MACROD2: variants seen among roughly 807,000 people sequenced by gnomAD.
The protein encoded by MACROD2 is ADP-ribose glycohydrolase MACROD2.
In MACROD2, 36 loss-of-function variants were observed where a neutral mutation model predicts 70.4. The ratio of observed to expected loss-of-function variants is 0.51; its 90% confidence interval spans 0.39 to 0.68. The LOEUF is 0.68. Ranked by LOEUF, MACROD2 falls within the 30% of genes least tolerant of loss-of-function variation. MACROD2 has a pLI of 0.00. For synonymous variants in MACROD2, 172 were observed against 178.8 expected, an observed-to-expected ratio of 0.96 and a Z score of 0.30; for missense variants, 496 against 538.4, an observed-to-expected ratio of 0.92 and a Z score of 0.78.
At chr20:14,974,965 T>C (rs1211554166) in intron 5 of MACROD2, among the ~76,000 whole-genome samples, 3 of 152,150 alleles carry the variant, frequency 2.0e-5, no homozygotes, top group Admixed American at 6.5e-5. Flanking sequence ...TTTATTTAGA[T>C]CAGAGTTACT....
chr20:15,015,117 C>A (rs1187466427), intron 5 of MACROD2, among the ~76,000 whole-genome samples: 2 of 152,012 alleles, frequency 1.3e-5, no homozygotes, highest in East Asian at 3.8e-4. Context: ...ATACTATATA[C>A]TTATAACACT....
intron 5 of MACROD2, among the ~76,000 whole-genome samples, chr20:14,951,764 C>T (rs552645168): frequency 1.3e-5 from 2 of 152,234 alleles, no homozygotes; most frequent in South Asian, 4.2e-4. Context: ...ACCCCTTTGG[C>T]TTTCCTGAAA....
At chr20:16,043,229 C>T (rs929394649) in intron 16 of MACROD2, among the ~76,000 whole-genome samples, 2 of 151,960 alleles carry the variant, frequency 1.3e-5, no homozygotes, top group Admixed American at 1.3e-4. Flanking sequence ...AGTGGGGCAC[C>T]TTAAGTGATT....
intron 5 of MACROD2, among the ~76,000 whole-genome samples, chr20:15,144,517 C>A (rs1843661806): frequency 6.6e-6 from 1 of 152,096 alleles, no homozygotes; most frequent in African/African-American, 2.4e-5. Context: ...ACACAATGAC[C>A]TTTTTGTTGA....
intron 4 of MACROD2, among the ~76,000 whole-genome samples, chr20:14,611,350 C>A (rs1983144642): frequency 6.6e-6 from 1 of 151,390 alleles, no homozygotes; most frequent in Non-Finnish European, 1.5e-5. Flanking sequence ...ATGATTATTT[C>A]TTACACAAGC....
chr20:15,694,358 C>T (rs765139449), intron 8 of MACROD2, among the ~76,000 whole-genome samples: 31 of 144,556 alleles, frequency 2.1e-4, no homozygotes, highest in South Asian at 6.8e-4. Context: ...CCCTGTTCAC[C>T]GCATCTACAC....
intron 3 of MACROD2, among the ~76,000 whole-genome samples, chr20:14,368,397 G>A (rs1211710192): frequency 6.6e-6 from 1 of 152,040 alleles, no homozygotes; most frequent in Non-Finnish European, 1.5e-5. Context: ...CCAAAAATTA[G>A]CTGAGTGCGG....
At chr20:15,231,629 A>G (rs1044648020) in intron 6 of MACROD2, among the ~76,000 whole-genome samples, 12 of 152,044 alleles carry the variant, frequency 7.9e-5, no homozygotes. Flanking sequence ...ATAACATTCA[A>G]CCTTTTAATA....
intron 4 of MACROD2, among the ~76,000 whole-genome samples, chr20:14,656,474 T>G (rs1170191006): frequency 6.6e-6 from 1 of 152,240 alleles, no homozygotes; most frequent in East Asian, 1.9e-4. Flanking sequence ...CTGGCAACAA[T>G]GGATGTATCC....
At position 14,987,450 on chromosome 20, in the gene MACROD2, A is replaced by G. The variant is rs886826162; in HGVS notation, c.419-242490A>G. On this transcript the variant is annotated intron_variant, in intron 5 of 17. Transcript: ENST00000684519. Reference sequence around the variant, plus strand: ...TACCTTTTTTCACTCGACTTGGCTCAGAATTCTACCAGACTGTTCAGAAAA... The same window carrying G: ...TACCTTTTTTCACTCGACTTGGCTCGGAATTCTACCAGACTGTTCAGAAAA... Among the ~76,000 whole-genome samples the G allele has an allele frequency of 2.6e-5, 4 of 152,186 alleles. No homozygotes were observed. The South Asian group carries it at 8.3e-4, about 32-fold the overall frequency.
intron 7 of MACROD2, among the ~76,000 whole-genome samples, chr20:15,499,379 A>G (rs2047337042): frequency 6.6e-6 from 1 of 152,154 alleles, no homozygotes; most frequent in Non-Finnish European, 1.5e-5. Context: ...GACTAACTGC[A>G]TGTTTTCTCT....
chr20:14,601,513 G>T (rs572558096), intron 4 of MACROD2, among the ~76,000 whole-genome samples: 2 of 151,866 alleles, frequency 1.3e-5, no homozygotes, highest in East Asian at 1.9e-4. Flanking sequence ...CCCAAAAAAT[G>T]TTTTAGTCCA....
rs551165478 is a variant in MACROD2 at position 15,874,062 on chromosome 20, C to G, written c.727+11236C>G. The stretch of plus-strand genomic sequence containing the variant: ...TATTTCTCCTAACGCTATCCCTCCC[C>G]CAGCCCCCCCACCCCCCAACAGGCC... On this transcript the variant is annotated intron_variant, in intron 9 of 17. Transcript: ENST00000684519. Among the ~76,000 whole-genome samples the G allele has an allele frequency of 1.5e-4, 19 of 129,776 alleles. No individual in the cohort carries two copies. In the South Asian group the frequency reaches 6.0e-3, roughly 41 times the overall value. The allele number at this position is 129,776 out of a possible 152,430, so 85.1% of individuals were successfully genotyped here.
At chr20:15,455,031 TCA>T (rs542987659) in intron 7 of MACROD2, among the ~76,000 whole-genome samples, 171 of 152,212 alleles carry the variant, frequency 1.1e-3, no homozygotes, top group African/African-American at 3.8e-3. Flanking sequence ...TGGCTTATGG[TCA>T]CACAGAGACC....
intron 5 of MACROD2, among the ~76,000 whole-genome samples, chr20:14,707,171 C>T (rs796213994): frequency 6.6e-6 from 1 of 152,060 alleles, no homozygotes; most frequent in South Asian, 2.1e-4. Context: ...TCCTAAAAGG[C>T]TGGGATGATG....
chr20:15,702,356 A>G (rs2050472382), intron 8 of MACROD2, among the ~76,000 whole-genome samples: 1 of 152,172 alleles, frequency 6.6e-6, no homozygotes, highest in South Asian at 2.1e-4. Flanking sequence ...GTTAATGGTC[A>G]TTCTGACTTG....
At chr20:14,260,865 G>T (rs779967125) in intron 3 of MACROD2, among the ~76,000 whole-genome samples, 11 of 152,188 alleles carry the variant, frequency 7.2e-5, no homozygotes, top group Non-Finnish European at 1.3e-4. Flanking sequence ...AACACTGATG[G>T]TTACACTTTA....
chr20:14,734,876 A>G (rs6074784), intron 5 of MACROD2, among the ~76,000 whole-genome samples: 66,321 of 152,026 alleles, frequency 0.44, 15,305 homozygotes, highest in Non-Finnish European at 0.51. Flanking sequence ...TATCAAGACC[A>G]TTGCATGGAC....
intron 5 of MACROD2, among the ~76,000 whole-genome samples, chr20:14,886,569 A>G (rs954049518): frequency 2.0e-5 from 3 of 152,130 alleles, no homozygotes; most frequent in African/African-American, 4.8e-5. Flanking sequence ...TACCTGTGCT[A>G]TAACTTGGTT....
Sources: allele counts gnomAD v4.1 joint callset (sites outside exome capture counted in the v4.1 genomes callset), GRCh38; gene constraint gnomAD v4.1.1; transcripts MANE v1.5; gene names NCBI Gene and HGNC (gene_info 2026-07-23, HGNC 2026-07-21).